GALNT13: variants seen among roughly 807,000 people sequenced by gnomAD.
GALNT13 encodes UDP-GalNAc:polypeptide N-acetylgalactosaminyltransferase 13.
GALNT13 carries 28 observed loss-of-function variants against 64.2 expected under a neutral mutation model. The ratio of observed to expected loss-of-function variants is 0.44; its 90% CI spans 0.32 to 0.60. The LOEUF (loss-of-function observed/expected upper bound fraction) is 0.60, where lower values mean the gene tolerates loss of function less well. Ranked by LOEUF, GALNT13 falls within the 20% of genes least tolerant of loss-of-function variation. The pLI is 0.05. For missense variants in GALNT13, 577 were observed against 669.8 expected (o/e 0.86, Z 1.53); for synonymous variants, 214 against 224.6 (o/e 0.95, Z 0.42).
At chr2:153,562,838 T>G in the GALNT13 span, among the ~76,000 whole-genome samples, 3 of 152,164 alleles carry the variant, frequency 2.0e-5, no homozygotes, top group South Asian at 6.2e-4. Context: ...AATTTAGTTT[T>G]TTTGCCTAGT....
At chr2:154,400,531 T>C (rs954200154) in intron 10 of GALNT13, among the ~76,000 whole-genome samples, 1 of 152,194 alleles carries the variant, frequency 6.6e-6, no homozygotes, top group African/African-American at 2.4e-5. Context: ...AGTTTTTCTA[T>C]TATATACCAT....
chr2:154,127,462 T>C (rs934132020), intron 3 of GALNT13, among the ~76,000 whole-genome samples: 2 of 152,166 alleles, frequency 1.3e-5, no homozygotes, highest in Admixed American at 1.3e-4. Context: ...TAAAACCACA[T>C]TGATTTTGTT....
chr2:153,437,922 C>T, the GALNT13 span, among the ~76,000 whole-genome samples: 214 of 152,340 alleles, frequency 1.4e-3, 1 homozygote, highest in African/African-American at 4.7e-3. Context: ...TTCCTAGCCT[C>T]GATGGTCTTT....
chr2:153,721,563 C>A, the GALNT13 span, among the ~76,000 whole-genome samples: 1 of 148,954 alleles, frequency 6.7e-6, no homozygotes, highest in Non-Finnish European at 1.5e-5. Context: ...ATTCAGGAAA[C>A]CCATCTCACG....
chr2:153,699,947 T>C, the GALNT13 span, among the ~76,000 whole-genome samples: 27 of 152,302 alleles, frequency 1.8e-4, no homozygotes, highest in African/African-American at 6.0e-4. Context: ...TCTGAAACTA[T>C]TCAAAACAAT....
chr2:153,960,178 C>T (rs1217223931), intron 3 of GALNT13, among the ~76,000 whole-genome samples: 5 of 152,242 alleles, frequency 3.3e-5, no homozygotes, highest in African/African-American at 1.2e-4. Context: ...CTGCTAATCA[C>T]TTTTTGCCAC....
At chr2:154,307,397 T>A (rs1693797460) in intron 9 of GALNT13, among the ~76,000 whole-genome samples, 1 of 152,202 alleles carries the variant, frequency 6.6e-6, no homozygotes, top group South Asian at 2.1e-4. Context: ...TCCCAATTAA[T>A]TTAAAGTTAA....
chr2:153,116,989 T>G, the GALNT13 span, among the ~76,000 whole-genome samples: 1 of 151,708 alleles, frequency 6.6e-6, no homozygotes, highest in African/African-American at 2.4e-5. Flanking sequence ...TTAGTAGAGA[T>G]GGGGTTTCAC....
At chr2:154,046,295 G>A (rs536083137) in intron 3 of GALNT13, among the ~76,000 whole-genome samples, 18 of 152,238 alleles carry the variant, frequency 1.2e-4, no homozygotes, top group African/African-American at 4.1e-4. Context: ...ACCGAGTACA[G>A]TCTAGATGAC....
At chr2:153,359,290 T>C in the GALNT13 span, among the ~76,000 whole-genome samples, 1 of 152,232 alleles carries the variant, frequency 6.6e-6, no homozygotes, top group Non-Finnish European at 1.5e-5. Context: ...TATTTTATTT[T>C]ACCAAATCAT....
At chr2:153,463,113 A>C in the GALNT13 span, among the ~76,000 whole-genome samples, 1 of 152,116 alleles carries the variant, frequency 6.6e-6, no homozygotes, top group South Asian at 2.1e-4. Flanking sequence ...TATTCAATCC[A>C]GGTAAAGGGA....
the GALNT13 span, among the ~76,000 whole-genome samples, chr2:153,840,267 TA>T: frequency 6.6e-6 from 1 of 152,146 alleles, no homozygotes; most frequent in Non-Finnish European, 1.5e-5. Flanking sequence ...TATTTGGTGT[TA>T]TGTTCCTATA....
At chr2:153,905,109 G>A (rs1285833483) in intron 2 of GALNT13, among the ~76,000 whole-genome samples, 1 of 151,714 alleles carries the variant, frequency 6.6e-6, no homozygotes, top group Non-Finnish European at 1.5e-5. Flanking sequence ...TTATTCAAAG[G>A]CATGTTGACT....
the GALNT13 span, among the ~76,000 whole-genome samples, chr2:153,278,404 C>G: frequency 1.9e-4 from 29 of 152,084 alleles, no homozygotes; most frequent in African/African-American, 7.0e-4. Context: ...CTTTTGAGGA[C>G]TTAGTTATAA....
chr2:154,304,782 T>C (rs1182916486), intron 9 of GALNT13, among the ~76,000 whole-genome samples: 1 of 152,238 alleles, frequency 6.6e-6, no homozygotes, highest in African/African-American at 2.4e-5. Context: ...GTTATTGTTT[T>C]ATAAAATGGA....
intron 9 of GALNT13, among the ~76,000 whole-genome samples, chr2:154,325,371 A>G (rs913740057): frequency 1.4e-4 from 21 of 152,256 alleles, no homozygotes; most frequent in Admixed American, 8.5e-4. Flanking sequence ...CCACTTCCAC[A>G]TTAAAGGAAC....
chr2:153,235,152 CTCT>C, the GALNT13 span, among the ~76,000 whole-genome samples: 2 of 152,190 alleles, frequency 1.3e-5, no homozygotes, highest in Non-Finnish European at 1.5e-5. Context: ...TGCCCTCTGT[CTCT>C]TCTTCTCCTC....
chr2:153,560,741 A>G, the GALNT13 span, among the ~76,000 whole-genome samples: 1 of 152,072 alleles, frequency 6.6e-6, no homozygotes, highest in African/African-American at 2.4e-5. Context: ...GTATTTTAAC[A>G]TGAGATATGA....
intron 4 of GALNT13, among the ~76,000 whole-genome samples, chr2:154,154,489 A>T (rs942299287): frequency 6.6e-5 from 10 of 152,210 alleles, no homozygotes; most frequent in Non-Finnish European, 1.2e-4. Flanking sequence ...GATGGAAATG[A>T]TATTTAGGAA....
Sources: allele counts gnomAD v4.1 joint callset (sites outside exome capture counted in the v4.1 genomes callset), GRCh38; gene constraint gnomAD v4.1.1; transcripts MANE v1.5; gene names NCBI Gene and HGNC (gene_info 2026-07-23, HGNC 2026-07-21).